LDLRAD4: variants seen among roughly 807,000 people sequenced by gnomAD.
LDLRAD4 encodes low density lipoprotein receptor class A domain containing 4, also known as low-density lipoprotein receptor class A domain-containing protein 4.
Under a neutral mutation model 17.0 loss-of-function variants are expected in LDLRAD4, and 5 were observed. The ratio of observed to expected loss-of-function variants is 0.29; its 90% CI spans 0.15 to 0.62. LDLRAD4 has a LOEUF of 0.62. LDLRAD4 is among the 20% of genes least tolerant of loss of function. The pLI is 0.84. For synonymous variants in LDLRAD4, 168 were observed against 171.8 expected (o/e 0.98, Z 0.17); for missense variants, 340 against 424.7 (o/e 0.80, Z 1.75).
chr18:13,364,981 A>G (rs1006254035), intron 1 of LDLRAD4, among the ~76,000 whole-genome samples: 1 of 152,212 alleles, frequency 6.6e-6, no homozygotes, highest in Admixed American at 6.5e-5. Context: ...AAGACACACC[A>G]TGAAAGCAGC....
At chr18:13,400,160 G>A (rs190429449) in intron 2 of LDLRAD4, among the ~76,000 whole-genome samples, 25 of 152,284 alleles carry the variant, frequency 1.6e-4, no homozygotes, top group African/African-American at 3.9e-4. Flanking sequence ...AAAATATTTC[G>A]TGGAATAAAA....
rs186254170 is a variant in LDLRAD4, at chr18:13,625,168, C to T, written c.336+3897C>T. 4.0e-3 allele frequency among the ~76,000 whole-genome samples: 608 copies of T among 152,308 alleles called. 6 individuals are homozygous for T. Among genetic ancestry groups the T allele is most frequent in the Middle Eastern group, 0.024 (7 of 294 alleles). On this transcript the variant is annotated intron_variant, in intron 4 of 5. Coordinates refer to ENST00000359446, the Ensembl canonical transcript of LDLRAD4. The stretch of plus-strand genomic sequence containing the variant: ...TCCTGTGAGGGCCTGTTTGTAGAGA[C>T]CCACCCCAGGGCTCCATGAGCACAT...
chr18:13,230,858 A>G (rs2042036059), intron 1 of LDLRAD4, among the ~76,000 whole-genome samples: 1 of 152,056 alleles, frequency 6.6e-6, no homozygotes, highest in Non-Finnish European at 1.5e-5. Context: ...TGCTATCTGA[A>G]CCCTCCAGGG....
intron 3 of LDLRAD4, among the ~76,000 whole-genome samples, chr18:13,517,559 G>A (rs991180312): frequency 2.6e-5 from 4 of 152,168 alleles, no homozygotes; most frequent in African/African-American, 4.8e-5. Flanking sequence ...CAGGGAGGGC[G>A]GCCCGTGGAT....
At chr18:13,630,707 C>T (rs567526905) in intron 4 of LDLRAD4, among the ~76,000 whole-genome samples, 2 of 152,248 alleles carry the variant, frequency 1.3e-5, no homozygotes, top group East Asian at 1.9e-4. Context: ...TGGCTTCATT[C>T]GGAGGCCTTC....
chr18:13,243,537 CCACT>C (rs2042777496), intron 1 of LDLRAD4, among the ~76,000 whole-genome samples: 1 of 151,458 alleles, frequency 6.6e-6, no homozygotes, highest in Non-Finnish European at 1.5e-5. Context: ...ATCCATCCAT[CCACT>C]CATTCATCTG....
chr18:13,525,348 G>A (rs910824237), intron 3 of LDLRAD4, among the ~76,000 whole-genome samples: 1 of 152,136 alleles, frequency 6.6e-6, no homozygotes, highest in African/African-American at 2.4e-5. Flanking sequence ...TCATCCCCAC[G>A]CCCTGAGTCC....
intron 3 of LDLRAD4, chr18:13,614,563 A>G (rs533741565): frequency 6.6e-6 from 1 of 152,284 alleles, no homozygotes; most frequent in East Asian, 1.9e-4. Flanking sequence ...TCTGTACTTC[A>G]AGCTGTGAAG....
chr18:13,380,239 G>T (rs548312692), intron 1 of LDLRAD4, among the ~76,000 whole-genome samples: 1 of 152,342 alleles, frequency 6.6e-6, no homozygotes, highest in Non-Finnish European at 1.5e-5. Context: ...GGAATGGCCT[G>T]GTTCGGGCCC....
chr18:13,448,685 C>T (rs4796982), intron 3 of LDLRAD4, among the ~76,000 whole-genome samples: 80,202 of 151,418 alleles, frequency 0.53, 22,032 homozygotes, highest in East Asian at 0.77. Context: ...CGGGAGGTGA[C>T]GCAGCAGCTT....
intron 1 of LDLRAD4, chr18:13,279,433 T>G (rs1309213089): frequency 1.3e-5 from 2 of 152,336 alleles, no homozygotes; most frequent in East Asian, 3.9e-4. Context: ...CATTTCTCTT[T>G]TATTGTCTCA....
intron 1 of LDLRAD4, among the ~76,000 whole-genome samples, chr18:13,281,548 C>T (rs921344185): frequency 4.6e-5 from 7 of 152,132 alleles, no homozygotes; most frequent in African/African-American, 1.4e-4. Flanking sequence ...GGGGGTGCCC[C>T]GAGGTTTCCC....
Position 13,642,070 on chromosome 18 carries a change from C to T in LDLRAD4, c.337-1289C>T, listed in dbSNP as rs569354297. ...TCTGTGCCTGCCAGGCCGGGCCCTT[C>T]CCTCCCGTCACAGGCGGTCCCTGAG... On this transcript the variant is annotated intron_variant, in intron 4 of 5. Coordinates refer to ENST00000359446, the Ensembl canonical transcript of LDLRAD4. The T allele has an allele frequency of 1.6e-4, 154 of 985,562 alleles. 1 individual carries two copies. In the African/African-American group the frequency reaches 2.5e-3, roughly 16 times the overall value. 61.1% of individuals were successfully genotyped at this position (985,562 alleles called of 1,614,324 possible).
chr18:13,512,859 T>C, intron 3 of LDLRAD4, among the ~76,000 whole-genome samples: 1 of 152,224 alleles, frequency 6.6e-6, no homozygotes, highest in Non-Finnish European at 1.5e-5. Context: ...TGAAAATAAA[T>C]TTGGCAGTGG....
chr18:13,296,096 T>C lies in LDLRAD4; in HGVS notation c.-383+17908T>C, dbSNP rs957910804. Among the ~76,000 whole-genome samples the C allele has an allele frequency of 2.0e-5, 3 of 152,246 alleles. No homozygotes were observed. In the East Asian group the frequency reaches 5.8e-4, roughly 29 times the overall value. On this transcript the variant is annotated intron_variant, in intron 1 of 5. Transcript: ENST00000359446. The stretch of plus-strand genomic sequence containing the variant: ...CAAGGGCTCCTGCGCCTGGCGGGCA[T>C]CTCTCGTGCATCCCTCCAGCGCGGT...
chr18:13,416,269 C>T (rs774169266), intron 2 of LDLRAD4, among the ~76,000 whole-genome samples: 2 of 152,246 alleles, frequency 1.3e-5, no homozygotes, highest in Non-Finnish European at 2.9e-5. Flanking sequence ...CTGTGTTCTC[C>T]AGCCAAGTGT....
At chr18:13,644,020 AAAAT>A (rs1300338487) in intron 5 of LDLRAD4, among the ~76,000 whole-genome samples, 2 of 152,234 alleles carry the variant, frequency 1.3e-5, no homozygotes, top group African/African-American at 4.8e-5. Flanking sequence ...TCATTTTGAA[AAAAT>A]AAATTATTAT....
At chr18:13,498,623 C>G (rs745546045) in intron 3 of LDLRAD4, among the ~76,000 whole-genome samples, 1 of 150,914 alleles carries the variant, frequency 6.6e-6, no homozygotes, top group Non-Finnish European at 1.5e-5. Flanking sequence ...ACTGGAGAAT[C>G]CTTCTTGCCA....
intron 3 of LDLRAD4, among the ~76,000 whole-genome samples, chr18:13,452,291 G>A (rs1005635461): frequency 6.6e-6 from 1 of 152,192 alleles, no homozygotes; most frequent in African/African-American, 2.4e-5. Flanking sequence ...TGGGGTTCAC[G>A]GTGGCAGCGG....
Sources: allele counts gnomAD v4.1 joint callset (sites outside exome capture counted in the v4.1 genomes callset), GRCh38; gene constraint gnomAD v4.1.1; transcripts MANE v1.5; gene names NCBI Gene and HGNC (gene_info 2026-07-23, HGNC 2026-07-21).